QTGAL: variants seen among roughly 807,000 people sequenced by gnomAD.
QTGAL encodes the protein queuosine-tRNA galactosyltransferase, also known as BGnT-like protein 1.
chr17:83,030,039 A>G, the QTGAL span, among the ~76,000 whole-genome samples: 4 of 152,184 alleles, frequency 2.6e-5, no homozygotes, highest in African/African-American at 9.7e-5. Flanking sequence ...AGTTATAATC[A>G]CAGAGACAAG....
At chr17:82,993,369 A>G in the QTGAL span, among the ~76,000 whole-genome samples, 5 of 152,162 alleles carry the variant, frequency 3.3e-5, no homozygotes, top group African/African-American at 7.2e-5. Context: ...GAAAAAAATT[A>G]TGAGACAAAG....
chr17:83,026,705 G>C, the QTGAL span, among the ~76,000 whole-genome samples: 24 of 123,994 alleles, frequency 1.9e-4, no homozygotes, highest in Admixed American at 6.6e-4. Flanking sequence ...ACCCACCCTC[G>C]ACAGACACGC....
chr17:82,947,532 C>T, the QTGAL span: 2 of 152,956 alleles, frequency 1.3e-5, no homozygotes, highest in East Asian at 3.8e-4. Context: ...GTCACCTACT[C>T]TCCTGTATGA....
chr17:82,965,830 C>T, the QTGAL span: 31 of 1,367,674 alleles, frequency 2.3e-5, no homozygotes, highest in East Asian at 1.7e-4. Flanking sequence ...CAAAGTGTCA[C>T]GAGAAAGTGA....
At chr17:82,956,191 C>T in the QTGAL span, among the ~76,000 whole-genome samples, 2 of 151,968 alleles carry the variant, frequency 1.3e-5, no homozygotes, top group East Asian at 1.9e-4. This position sits in a 1 kb window ranked among gnomAD's most constrained non-coding sequence, Gnocchi z 5.7. Context: ...CTCACCTCAG[C>T]CCCCCGCAGC....
the QTGAL span, among the ~76,000 whole-genome samples, chr17:83,025,825 G>A: frequency 6.6e-6 from 1 of 152,252 alleles, no homozygotes; most frequent in Non-Finnish European, 1.5e-5. Flanking sequence ...CCGGCACCGG[G>A]TGCCAGTCGT....
At chr17:83,041,686 T>C in the QTGAL span, among the ~76,000 whole-genome samples, 1 of 152,230 alleles carries the variant, frequency 6.6e-6, no homozygotes, top group African/African-American at 2.4e-5. Flanking sequence ...GCCTGGGAGC[T>C]GTGACTCATG....
the QTGAL span, among the ~76,000 whole-genome samples, chr17:83,025,903 G>T: frequency 2.6e-5 from 4 of 152,364 alleles, no homozygotes; most frequent in Middle Eastern, 3.4e-3. Flanking sequence ...TTTGCAGGAC[G>T]TACACACACG....
the QTGAL span, among the ~76,000 whole-genome samples, chr17:83,027,354 T>C: frequency 6.6e-6 from 1 of 152,236 alleles, no homozygotes; most frequent in Non-Finnish European, 1.5e-5. Flanking sequence ...ATTTACTTCA[T>C]GCCACATACG....
chr17:83,029,870 G>C, the QTGAL span, among the ~76,000 whole-genome samples: 2 of 152,222 alleles, frequency 1.3e-5, no homozygotes, highest in Non-Finnish European at 2.9e-5. Context: ...TCTCCTGCCA[G>C]TCAGCTTCTC....
At chr17:82,946,441 A>G in the QTGAL span, among the ~76,000 whole-genome samples, 2 of 152,190 alleles carry the variant, frequency 1.3e-5, no homozygotes, top group Non-Finnish European at 2.9e-5. Flanking sequence ...ATACTAAAGC[A>G]AACATTCAAG....
chr17:82,997,380 C>A, the QTGAL span, among the ~76,000 whole-genome samples: 125,918 of 152,148 alleles, frequency 0.83, 52,611 homozygotes, highest in African/African-American at 0.95. Flanking sequence ...AAAATCAGTC[C>A]ATAACAAATG....
chr17:82,961,158 GAAC>G, the QTGAL span: 1 of 1,608,178 alleles, frequency 6.2e-7, no homozygotes, highest in Non-Finnish European at 8.5e-7. Flanking sequence ...GCTCGTAGAA[GAAC>G]AGCAGGTCCT....
At chr17:83,020,923 C>T in the QTGAL span, among the ~76,000 whole-genome samples, 13 of 152,036 alleles carry the variant, frequency 8.6e-5, no homozygotes, top group Admixed American at 1.3e-4. Flanking sequence ...AAGGGGCTTC[C>T]GAGGTGGTTA....
chr17:82,983,944 A>G, the QTGAL span, among the ~76,000 whole-genome samples: 1 of 149,922 alleles, frequency 6.7e-6, no homozygotes, highest in Non-Finnish European at 1.5e-5. Context: ...CAGTGAGCAC[A>G]CAGGGAGAGG....
At chr17:82,979,379 C>T in the QTGAL span, 2 of 152,160 alleles carry the variant, frequency 1.3e-5, no homozygotes, top group African/African-American at 4.8e-5. Context: ...ATCAATTCCT[C>T]AAAAATCGCA....
the QTGAL span, among the ~76,000 whole-genome samples, chr17:83,043,050 T>C: frequency 1.3e-5 from 2 of 152,208 alleles, no homozygotes; most frequent in Non-Finnish European, 2.9e-5. Flanking sequence ...ATTGACTGAA[T>C]TGGAGGGAGA....
At chr17:82,997,467 A>G in the QTGAL span, among the ~76,000 whole-genome samples, 1 of 152,216 alleles carries the variant, frequency 6.6e-6, no homozygotes, top group Non-Finnish European at 1.5e-5. Context: ...ACTATGGAGA[A>G]CAGTTTGGAG....
At chr17:82,969,146 A>G in the QTGAL span, among the ~76,000 whole-genome samples, 1 of 151,508 alleles carries the variant, frequency 6.6e-6, no homozygotes, top group South Asian at 2.1e-4. Flanking sequence ...AAAAAAAAAA[A>G]AAAGAAAAGA....
Sources: gnomAD v4.1 joint callset for allele counts (sites outside exome capture counted in the v4.1 genomes callset) on GRCh38, gnomAD v4.1.1 for gene constraint, Gnocchi (gnomAD v3.1) non-coding constraint, MANE v1.5 for transcripts, NCBI Gene and HGNC (gene_info 2026-07-23, HGNC 2026-07-21) for gene names.